Variants in CCDC171 observed in about 807,000 individuals in gnomAD.
CCDC171 encodes coiled-coil domain containing 171, also known as coiled-coil domain-containing protein 171.
CCDC171 carries 177 observed loss-of-function variants against 168.2 expected under a neutral mutation model. The ratio of observed to expected loss-of-function variants is 1.05; its 90% confidence interval spans 0.93 to 1.19. The LOEUF is 1.19. CCDC171 is among the 50% of genes most tolerant of loss of function. The pLI is 0.00. For synonymous variants in CCDC171, 687 were observed against 540.8 expected (o/e 1.27, Z -3.75); for missense variants, 1,991 against 1,539.0 (o/e 1.29, Z -4.91).
intron 18 of CCDC171, among the ~76,000 whole-genome samples, chr9:15,776,688 T>G (rs1486113354): frequency 6.6e-6 from 1 of 152,202 alleles, no homozygotes; most frequent in Non-Finnish European, 1.5e-5. Context: ...ATTGGTTGAT[T>G]ACCGTCTCAG....
At chr9:15,943,385 G>T (rs1410815603) in intron 25 of CCDC171, among the ~76,000 whole-genome samples, 1 of 151,988 alleles carries the variant, frequency 6.6e-6, no homozygotes, top group East Asian at 1.9e-4. Context: ...AATTGTGCTT[G>T]CTTTTATTTC....
intron 18 of CCDC171, among the ~76,000 whole-genome samples, chr9:15,750,039 GTT>G (rs141719913): frequency 4.2e-4 from 62 of 146,352 alleles, no homozygotes; most frequent in African/African-American, 1.5e-3. Context: ...TCCAGGAGCT[GTT>G]TTTTTTTTTA....
At chr9:15,613,562 C>T (rs563296464) in intron 6 of CCDC171, among the ~76,000 whole-genome samples, 13 of 144,668 alleles carry the variant, frequency 9.0e-5, no homozygotes, top group Non-Finnish European at 1.3e-4. Context: ...CTCGCTCTGT[C>T]GCCAGGCTGG....
At chr9:15,808,015 ATT>A (rs1276072989) in intron 21 of CCDC171, among the ~76,000 whole-genome samples, 1 of 151,770 alleles carries the variant, frequency 6.6e-6, no homozygotes, top group African/African-American at 2.4e-5. Flanking sequence ...CAGTTTTATC[ATT>A]GTTTAAGGTG....
chr9:15,829,060 C>G (rs2060128728), intron 21 of CCDC171, among the ~76,000 whole-genome samples: 3 of 152,304 alleles, frequency 2.0e-5, no homozygotes, highest in African/African-American at 4.8e-5. Context: ...ATGTTTGGCT[C>G]TCTGATCAAT....
intron 25 of CCDC171, among the ~76,000 whole-genome samples, chr9:15,940,351 A>G (rs558801360): frequency 6.6e-6 from 1 of 151,788 alleles, no homozygotes; most frequent in African/African-American, 2.4e-5. Context: ...ATTTAAGGTC[A>G]TTTCTCTTTT....
chr9:15,838,882 G>T (rs926804805), intron 21 of CCDC171, among the ~76,000 whole-genome samples: 20 of 152,172 alleles, frequency 1.3e-4, no homozygotes, highest in Admixed American at 1.2e-3. Flanking sequence ...TTGTGATAGG[G>T]TGGGTTGCTG....
chr9:15,944,058 T>C (rs1011827653), intron 25 of CCDC171, among the ~76,000 whole-genome samples: 3 of 151,986 alleles, frequency 2.0e-5, no homozygotes, highest in African/African-American at 7.2e-5. Flanking sequence ...TGCAGTAATG[T>C]TGATGTTTTT....
chr9:15,968,907 T>C (rs1323835529), intron 25 of CCDC171, among the ~76,000 whole-genome samples: 1 of 152,190 alleles, frequency 6.6e-6, no homozygotes, highest in Non-Finnish European at 1.5e-5. Context: ...AAAAAGTTTT[T>C]TTCTAGCAGT....
intron 21 of CCDC171, among the ~76,000 whole-genome samples, chr9:15,813,771 C>T (rs747521877): frequency 6.6e-6 from 1 of 152,132 alleles, no homozygotes; most frequent in Admixed American, 6.5e-5. Context: ...AGCTATTCAT[C>T]TGCTGATTGG....
At chr9:16,107,828 A>T in the CCDC171 span, among the ~76,000 whole-genome samples, 1 of 152,256 alleles carries the variant, frequency 6.6e-6, no homozygotes, top group African/African-American at 2.4e-5. Flanking sequence ...TCATTTTCGG[A>T]GACTGAGTAT....
chr9:15,595,180 G>A (rs2042252284), intron 6 of CCDC171, among the ~76,000 whole-genome samples: 1 of 151,818 alleles, frequency 6.6e-6, no homozygotes, highest in Admixed American at 6.6e-5. Context: ...TAAGTTTTAG[G>A]GTACATGTGC....
intron 4 of CCDC171, among the ~76,000 whole-genome samples, chr9:15,582,092 AC>A (rs1439947702): frequency 2.6e-5 from 4 of 152,232 alleles, no homozygotes; most frequent in African/African-American, 4.8e-5. Context: ...CAAGAAAAAA[AC>A]AATCTCATCA....
At chr9:15,863,442 A>G (rs1433110838) in intron 23 of CCDC171, among the ~76,000 whole-genome samples, 1 of 151,996 alleles carries the variant, frequency 6.6e-6, no homozygotes, top group African/African-American at 2.4e-5. Context: ...TCTGGCTGCT[A>G]TCATTCTCCT....
intron 3 of CCDC171, among the ~76,000 whole-genome samples, chr9:15,994,695 C>G (rs981541503): frequency 1.3e-5 from 2 of 152,182 alleles, no homozygotes; most frequent in Admixed American, 6.5e-5. Context: ...ACCATGTTGT[C>G]TATAGGTACA....
At chr9:15,945,100 A>G (rs9407691) in intron 25 of CCDC171, among the ~76,000 whole-genome samples, 61,301 of 148,576 alleles carry the variant, frequency 0.41, 15,573 homozygotes, top group East Asian at 0.61. Flanking sequence ...TCATTGTTCA[A>G]TTCCCACCTA....
chr9:16,004,315 C>T (rs1832638636), intron 3 of CCDC171, among the ~76,000 whole-genome samples: 1 of 152,142 alleles, frequency 6.6e-6, no homozygotes, highest in East Asian at 1.9e-4. Flanking sequence ...ACAGCCAGCA[C>T]CAGAAGTGAA....
At chr9:15,626,434 G>T (rs897571207) in intron 7 of CCDC171, among the ~76,000 whole-genome samples, 1 of 152,172 alleles carries the variant, frequency 6.6e-6, no homozygotes, top group Non-Finnish European at 1.5e-5. Context: ...CATTTAGTAT[G>T]ATATTGGCTG....
rs3082839 is a variant in CCDC171 at position 15,793,551 on chromosome 9, G to GTTTTTTTTTTTTTTT, written c.3267+8872_3267+8886dup. Among the ~76,000 whole-genome samples the GTTTTTTTTTTTTTTT allele has an allele frequency of 3.1e-4, 24 of 77,056 alleles. 4 individuals are homozygous for GTTTTTTTTTTTTTTT. Among genetic ancestry groups the GTTTTTTTTTTTTTTT allele is most frequent in the African/African-American group, 1.4e-3 (21 of 15,522 alleles). The allele number at this position is 77,056 out of a possible 152,430, so 50.6% of individuals were successfully genotyped here. On this transcript the variant is annotated intron_variant, in intron 21 of 25. Transcript: ENST00000380701. ...AGCACCACATCGCACTTATTCCAAG[G>GTTTTTTTTTTTTTTT]TTTTTTTTTTTTTTTTTTTTTTTTT...
Sources: allele counts gnomAD v4.1 joint callset (sites outside exome capture counted in the v4.1 genomes callset), GRCh38; gene constraint gnomAD v4.1.1; transcripts MANE v1.5; gene names NCBI Gene and HGNC (gene_info 2026-07-23, HGNC 2026-07-21).